Variants in EIF4G3 observed in about 807,000 individuals in gnomAD.
The protein encoded by EIF4G3 is eukaryotic translation initiation factor 4 gamma 3.
A neutral mutation model predicts 186.4 loss-of-function variants in EIF4G3; 34 were observed. The observed-to-expected ratio is 0.18, with a 90% CI of 0.14 to 0.24. The LOEUF is 0.24. Ranked by LOEUF, EIF4G3 falls within the 10% of genes least tolerant of loss-of-function variation. The pLI is 1.00. For missense variants in EIF4G3, 1,536 were observed against 1,948.5 expected, an observed-to-expected ratio of 0.79 and a Z score of 3.99; for synonymous variants, 673 against 679.5, an observed-to-expected ratio of 0.99 and a Z score of 0.15.
chr1:21,134,392 G>A (rs2097202791), intron 2 of EIF4G3, among the ~76,000 whole-genome samples: 1 of 152,216 alleles, frequency 6.6e-6, no homozygotes, highest in Non-Finnish European at 1.5e-5. Flanking sequence ...GGGCTGGCCA[G>A]GTGTGGTGGC....
chr1:20,941,585 T>C lies in EIF4G3; in HGVS notation c.1569A>G (p.Lys523=). Residue 523 remains lysine, a synonymous_variant, in exon 14 of 37, where the codon AAA becomes AAG. Transcript: ENST00000602326. ...SIRTCLSEDA[K]EIQNKIEVEA... ...CTACCTCTATTTTGTTCTGAATCTC[T>C]TTTGCATCTTCACTAAGGCAAGTTC... The C allele has an allele frequency of 6.2e-7, 1 of 1,614,206 alleles. No homozygotes were observed. The highest frequency in any genetic ancestry group is 8.5e-7 in the Non-Finnish European group (1 of 1,180,026).
Position 21,030,597 on chromosome 1 carries a change from C to T in EIF4G3, c.-67+20269G>A, listed in dbSNP as rs917122267. Among the ~76,000 whole-genome samples the T allele has an allele frequency of 3.3e-5, 5 of 152,116 alleles. No individual in the cohort carries two copies. The South Asian group carries it at 6.2e-4, about 19-fold the overall frequency. Reference sequence around the variant, plus strand: ...AAATGGACTAATACATCAGTAGAGACCAGGTCCAGGCCAGTGCTCGTAACA... The same window carrying T: ...AAATGGACTAATACATCAGTAGAGATCAGGTCCAGGCCAGTGCTCGTAACA... On this transcript the variant is annotated intron_variant, in intron 4 of 36. Transcript: ENST00000602326.
At chr1:20,915,106 T>C (rs556251660) in intron 14 of EIF4G3, among the ~76,000 whole-genome samples, 6 of 152,228 alleles carry the variant, frequency 3.9e-5, no homozygotes, top group African/African-American at 1.4e-4. Context: ...ATTCTAAGCA[T>C]GTCAGTTGTG....
chr1:20,965,610 C>T (rs536443159), intron 12 of EIF4G3, among the ~76,000 whole-genome samples: 1 of 69,792 alleles, frequency 1.4e-5, no homozygotes, highest in Admixed American at 1.4e-4. Context: ...CATCTAATTT[C>T]CCATTTTTGC....
chr1:21,055,973 T>G (rs1200370539), intron 3 of EIF4G3, among the ~76,000 whole-genome samples: 1 of 152,142 alleles, frequency 6.6e-6, no homozygotes, highest in Admixed American at 6.5e-5. Context: ...TTAGTATCCA[T>G]TGGTTTGTCA....
At chr1:21,028,328 A>C (rs1383757881) in intron 4 of EIF4G3, among the ~76,000 whole-genome samples, 2 of 146,642 alleles carry the variant, frequency 1.4e-5, no homozygotes, top group South Asian at 4.2e-4. Context: ...TGGGAAAAAA[A>C]AGAGAAAGGT....
At chr1:21,049,681 G>T (rs1364872199) in intron 4 of EIF4G3, among the ~76,000 whole-genome samples, 1 of 151,994 alleles carries the variant, frequency 6.6e-6, no homozygotes, top group Non-Finnish European at 1.5e-5. Flanking sequence ...GGAGATCAAG[G>T]CCAATCTGAG....
intron 27 of EIF4G3, 113 bp from the exon 28 acceptor site, chr1:20,851,591 TAA>T (rs1460209033): frequency 5.3e-6 from 5 of 942,464 alleles, no homozygotes; most frequent in African/African-American, 1.6e-5. Context: ...TTTTCACAGA[TAA>T]CATTAGATGT....
chr1:20,958,787 A>G (rs867713215), intron 12 of EIF4G3, among the ~76,000 whole-genome samples: 1 of 152,182 alleles, frequency 6.6e-6, no homozygotes, highest in Non-Finnish European at 1.5e-5. Flanking sequence ...CAAGAATTCA[A>G]TACCTTTTAC....
chr1:21,068,133 G>A (rs2095314645), intron 3 of EIF4G3, among the ~76,000 whole-genome samples: 1 of 151,808 alleles, frequency 6.6e-6, no homozygotes, highest in South Asian at 2.1e-4. Flanking sequence ...AGCACTTTGG[G>A]AGGCCGAGGT....
chr1:21,078,981 T>C (rs533561053), intron 3 of EIF4G3, among the ~76,000 whole-genome samples: 3 of 152,176 alleles, frequency 2.0e-5, no homozygotes, highest in African/African-American at 7.2e-5. Flanking sequence ...TGAGACTCCA[T>C]CTCAAATAAA....
rs1256833798 is a variant in EIF4G3 at position 20,941,527 on chromosome 1, A to G, written c.1627T>C (p.Ser543Pro). The G allele has an allele frequency of 2.7e-5, 43 of 1,611,138 alleles. No individual in the cohort carries two copies. The highest frequency in any genetic ancestry group is 3.6e-5 in the Non-Finnish European group (43 of 1,178,894). ...CTCCTTCTTGAATTTAAGTTTTGAG[A>G]ATCCAAAATCTCTTCTGTTTGCCCA... ...ADGQTEEILD[S>P]QNLNSRRSPV... The change falls in exon 14 of 37, where the codon TCT becomes CCT. Residue 543 changes from serine to proline, a missense_variant. Physicochemically the swap from Ser to Pro is moderately conservative, Grantham distance 74. Transcript: ENST00000602326.
At chr1:20,968,175 C>CT (rs34957284) in intron 12 of EIF4G3, among the ~76,000 whole-genome samples, 1,509 of 140,834 alleles carry the variant, frequency 0.011, 25 homozygotes, top group African/African-American at 0.031. Context: ...AAATACAAAT[C>CT]TTTTTTTTTT....
chr1:21,006,193 T>C (rs2085031146), intron 4 of EIF4G3, among the ~76,000 whole-genome samples: 1 of 152,232 alleles, frequency 6.6e-6, no homozygotes, highest in African/African-American at 2.4e-5. Context: ...GCCTCTACTC[T>C]TTTGATCTCT....
At chr1:20,913,146 G>C (rs957715852) in intron 14 of EIF4G3, among the ~76,000 whole-genome samples, 3 of 152,164 alleles carry the variant, frequency 2.0e-5, no homozygotes, top group African/African-American at 7.2e-5. Flanking sequence ...CCCATGGTAT[G>C]ACAAAATCTT....
At chr1:21,076,062 C>T (rs1189011095) in intron 3 of EIF4G3, among the ~76,000 whole-genome samples, 3 of 152,130 alleles carry the variant, frequency 2.0e-5, no homozygotes, top group Admixed American at 2.0e-4. Context: ...TTCATCAGCA[C>T]ACGGGTTCTC....
chr1:21,045,006 C>T (rs191376287), intron 4 of EIF4G3, among the ~76,000 whole-genome samples: 7 of 152,060 alleles, frequency 4.6e-5, no homozygotes, highest in African/African-American at 1.7e-4. Context: ...TCATGGAGCT[C>T]GCATACAGTC....
intron 27 of EIF4G3, among the ~76,000 whole-genome samples, chr1:20,852,229 C>A (rs1400216999): frequency 6.6e-6 from 1 of 152,010 alleles, no homozygotes. Context: ...CTCGAACTCC[C>A]GATCTCAGGT....
intron 14 of EIF4G3, among the ~76,000 whole-genome samples, chr1:20,919,216 T>C (rs897278151): frequency 2.0e-5 from 3 of 152,194 alleles, no homozygotes; most frequent in African/African-American, 4.8e-5. Flanking sequence ...CATTTATTTA[T>C]TCTTTTCTTT....
Sources: allele counts gnomAD v4.1 joint callset (sites outside exome capture counted in the v4.1 genomes callset), GRCh38; gene constraint gnomAD v4.1.1; transcripts MANE v1.5; gene names NCBI Gene and HGNC (gene_info 2026-07-23, HGNC 2026-07-21).